Variants in HADHB observed in about 807,000 individuals in gnomAD.
The protein encoded by HADHB is hydroxyacyl-CoA dehydrogenase trifunctional multienzyme complex subunit beta.
In HADHB, 50 loss-of-function variants were observed where a neutral mutation model predicts 61.9. The ratio of observed to expected loss-of-function variants is 0.81; its 90% confidence interval spans 0.64 to 1.02. HADHB has a LOEUF of 1.02. HADHB is among the 50% of genes least tolerant of loss of function. The pLI is 0.00. For synonymous variants in HADHB, 191 were observed against 201.6 expected (o/e 0.95, Z 0.45); for missense variants, 504 against 586.5 (o/e 0.86, Z 1.45).
At chr2:26,266,444 A>G (rs1205932424) in intron 4 of HADHB, among the ~76,000 whole-genome samples, 1 of 152,180 alleles carries the variant, frequency 6.6e-6, no homozygotes, top group Admixed American at 6.6e-5. Context: ...GTTGCTTTCA[A>G]CTTGAGTGTT....
At chr2:26,288,801 C>A (rs1221142766) in intron 15 of HADHB, among the ~76,000 whole-genome samples, 1 of 152,152 alleles carries the variant, frequency 6.6e-6, no homozygotes, top group Admixed American at 6.5e-5. Flanking sequence ...AATCTTTAAA[C>A]CTGCAGTGTT....
At chr2:26,252,863 T>C (rs975269962) in intron 1 of HADHB, among the ~76,000 whole-genome samples, 12 of 152,254 alleles carry the variant, frequency 7.9e-5, no homozygotes, top group African/African-American at 2.9e-4. Context: ...GTTTCAGTTA[T>C]AGTTTTCATG....
rs531197297 is a variant in HADHB, at chr2:26,260,889, G to A, written c.110-2491G>A. Reference sequence around the variant, plus strand: ...TTATGGTTTACAAACTCTGGCTTACGAATGACATCAGTTTACCATCAACCT... The same window carrying A: ...TTATGGTTTACAAACTCTGGCTTACAAATGACATCAGTTTACCATCAACCT... On this transcript the variant is annotated intron_variant, in intron 3 of 15. Transcript: ENST00000317799. 2.5e-4 allele frequency: 161 copies of A among 649,748 alleles called. 1 individual carries two copies. The South Asian group carries it at 2.8e-3, about 11-fold the overall frequency. The allele number at this position is 649,748 out of a possible 1,614,324, so 40.2% of individuals were successfully genotyped here.
At chr2:26,275,574 G>C (rs1672505782) in intron 6 of HADHB, among the ~76,000 whole-genome samples, 1 of 152,148 alleles carries the variant, frequency 6.6e-6, no homozygotes, top group Non-Finnish European at 1.5e-5. Context: ...TGCAACCTAA[G>C]TGCCCCTTTT....
In HADHB at chr2:26,279,397, A is replaced by T. The variant is rs757303269; in HGVS notation, c.811+82A>T. On this transcript the variant is annotated intron_variant, in intron 9 of 15. Transcript: ENST00000317799. ...CAAAAACATCCCGAGTGATTTTTCC[A>T]TAAGTATGTTGGTTCTGTTTCCAAA... is the stretch of plus-strand genomic sequence containing the variant. 4 of 991,400 alleles carry T rather than the reference A, an allele frequency of 4.0e-6. No individual in the cohort carries two copies. In the African/African-American group the frequency reaches 6.3e-5, roughly 16 times the overall value. The allele number at this position is 991,400 out of a possible 1,614,324, so 61.4% of individuals were successfully genotyped here. A position where few individuals can be genotyped will look rare whatever the true frequency, so the allele number is the denominator to read the frequency against.
chr2:26,264,079 G>A (rs1671969907), intron 4 of HADHB, among the ~76,000 whole-genome samples: 1 of 151,994 alleles, frequency 6.6e-6, no homozygotes, highest in South Asian at 2.1e-4. Flanking sequence ...TTGATAACAA[G>A]GTTTAAACTG....
At chr2:26,286,142 A>G (rs1673025103) in intron 15 of HADHB, among the ~76,000 whole-genome samples, 1 of 152,180 alleles carries the variant, frequency 6.6e-6, no homozygotes, top group Non-Finnish European at 1.5e-5. Flanking sequence ...GATTATGAAA[A>G]TTGTGGAATA....
At position 26,273,469 on chromosome 2, in the gene HADHB, CTCTT is replaced by C. The variant is rs371664732; in HGVS notation, c.255-179_255-176del. ...CATCAAATGTTGACTTTTAAAATCA[CTCTT>C]TCATTCATTTCTTCTTTGAGAAGGT... On this transcript the variant is annotated intron_variant, in intron 5 of 15. Coordinates refer to ENST00000317799, the MANE Select transcript of HADHB (RefSeq NM_000183.3). Among the ~76,000 whole-genome samples, 198 of 152,288 alleles carry C rather than the reference CTCTT, an allele frequency of 1.3e-3. 1 individual carries two copies. Among genetic ancestry groups the C allele is most frequent in the African/African-American group, 4.6e-3 (192 of 41,564 alleles).
At chr2:26,257,888 G>A (rs1054411166) in intron 3 of HADHB, among the ~76,000 whole-genome samples, 13 of 151,846 alleles carry the variant, frequency 8.6e-5, no homozygotes, top group South Asian at 4.2e-4. Flanking sequence ...GCGTGGTGGC[G>A]GGCGCCTGTA....
rs187690768 is a variant in HADHB at position 26,267,738 on chromosome 2, C to T, written c.210-2215C>T. Among the ~76,000 whole-genome samples the T allele has an allele frequency of 4.6e-3, 680 of 147,370 alleles. 3 individuals are homozygous for T. Among genetic ancestry groups the T allele is most frequent in the African/African-American group, 0.017 (661 of 39,878 alleles). On this transcript the variant is annotated intron_variant, in intron 4 of 15. Coordinates refer to ENST00000317799, the MANE Select transcript of HADHB (RefSeq NM_000183.3). ...GGTGAGCCGACATCGTGCCACTGCACTCCAGCCTGGGCAACAGAGTGAGAC... is the reference window on the plus strand; with the variant it reads ...GGTGAGCCGACATCGTGCCACTGCATTCCAGCCTGGGCAACAGAGTGAGAC...
At chr2:26,260,115 T>C (rs1574647663) in intron 3 of HADHB, among the ~76,000 whole-genome samples, 1 of 148,918 alleles carries the variant, frequency 6.7e-6, no homozygotes, top group East Asian at 2.0e-4. Flanking sequence ...AGAGTCTTGC[T>C]CTGTCACCCA....
chr2:26,249,309 G>T (rs181827116), intron 1 of HADHB, among the ~76,000 whole-genome samples: 1 of 151,762 alleles, frequency 6.6e-6, no homozygotes, highest in Non-Finnish European at 1.5e-5. Flanking sequence ...TCAGGAGTTC[G>T]AGACCAGCCT....
intron 15 of HADHB, among the ~76,000 whole-genome samples, 168 bp downstream of exon 15, chr2:26,285,739 G>GTTTTTTTTTTTTTTTTTTGTTTTTTTT (rs1673005941): frequency 3.1e-5 from 2 of 65,082 alleles, no homozygotes; most frequent in African/African-American, 6.6e-5. Flanking sequence ...TGTTTTTTGG[G>GTTTTTTTTTTTTTTTTTTGTTTTTTTT]TTTTTTTTTT....
chr2:26,251,522 C>T (rs1671397048), intron 1 of HADHB, among the ~76,000 whole-genome samples: 2 of 152,106 alleles, frequency 1.3e-5, no homozygotes, highest in Admixed American at 1.3e-4. Context: ...ACAAGGTTCC[C>T]CCTTTTGTTT....
intron 6 of HADHB, 143 bp downstream of exon 6, chr2:26,273,893 G>A: frequency 3.0e-6 from 2 of 662,708 alleles, no homozygotes; most frequent in Non-Finnish European, 5.5e-6. Flanking sequence ...CTTGGGTAAT[G>A]TGTTATTTAA....
At chr2:26,287,833 C>T (rs960273012) in intron 15 of HADHB, among the ~76,000 whole-genome samples, 1 of 152,106 alleles carries the variant, frequency 6.6e-6, no homozygotes, top group African/African-American at 2.4e-5. Flanking sequence ...CTCTACCCAT[C>T]GGATAGCAGT....
chr2:26,248,650 C>A (rs11685458), intron 1 of HADHB, among the ~76,000 whole-genome samples: 91,764 of 152,088 alleles, frequency 0.6, 29,348 homozygotes, highest in Non-Finnish European at 0.72. Flanking sequence ...TATGGAAGTG[C>A]CTATTTAGTT....
intron 10 of HADHB, 48 bp from the exon 11 acceptor site, chr2:26,282,797 C>A: frequency 7.3e-7 from 1 of 1,362,988 alleles, no homozygotes; most frequent in African/African-American, 1.4e-5. Context: ...GGAGAAAGAC[C>A]TCCAGACAGG....
At chr2:26,278,538 A>C in intron 7 of HADHB, 76 bp from the exon 8 acceptor site, 1 of 1,256,436 alleles carries the variant, frequency 8.0e-7, no homozygotes, top group Admixed American at 1.7e-5. Context: ...TCAGCTTTTT[A>C]ATCAAGAAGC....
Sources: allele counts gnomAD v4.1 joint callset (sites outside exome capture counted in the v4.1 genomes callset), GRCh38; gene constraint gnomAD v4.1.1; transcripts MANE v1.5; gene names NCBI Gene and HGNC (gene_info 2026-07-23, HGNC 2026-07-21).